The following CHCHD6 variants were observed in gnomAD, a reference collection of about 807,000 sequenced individuals.
The protein encoded by CHCHD6 is coiled-coil-helix-coiled-coil-helix domain containing 6, also known as MICOS complex subunit MIC25.
A neutral mutation model predicts 32.3 loss-of-function variants in CHCHD6; 28 were observed. That is an observed-to-expected ratio of 0.87 (90% CI 0.64 to 1.19). CHCHD6 has a LOEUF of 1.19. Ranked by LOEUF, CHCHD6 falls within the 50% of genes most tolerant of loss-of-function variation. The pLI, the probability that CHCHD6 is intolerant of heterozygous loss-of-function variation, is 0.00. For synonymous variants in CHCHD6, 122 were observed against 117.5 expected, an observed-to-expected ratio of 1.04 and a Z score of -0.25; for missense variants, 333 against 307.0, an observed-to-expected ratio of 1.08 and a Z score of -0.63.
intron 4 of CHCHD6, among the ~76,000 whole-genome samples, chr3:126,764,200 C>CATATATATATAT (rs143293559): frequency 4.0e-3 from 558 of 139,764 alleles, no homozygotes; most frequent in South Asian, 8.1e-3. Flanking sequence ...TACATACATG[C>CATATATATATAT]ATATATATAT....
Position 126,957,455 on chromosome 3 carries a change from C to T in CHCHD6, c.606C>T (p.Ala202=), listed in dbSNP as rs1449815846. The change falls in exon 7 of 8, where the codon GCC becomes GCT. Residue 202 remains alanine (A), a synonymous_variant. Coordinates refer to ENST00000290913, the MANE Select transcript of CHCHD6 (RefSeq NM_032343.3). The stretch of plus-strand genomic sequence containing the variant: ...AGCCCGTCTGCTCAGGGTTGCAGGC[C>T]CAGATTCTCCACTGCTACCGAGATC... ...RVEPVCSGLQ[A]QILHCYRDRP... 2 of 1,611,198 alleles carry T rather than the reference C, an allele frequency of 1.2e-6. No individual in the cohort carries two copies. Among genetic ancestry groups the T allele is most frequent in the East Asian group, 2.2e-5 (1 of 44,704 alleles).
At chr3:126,886,106 G>A (rs2077676114) in intron 5 of CHCHD6, among the ~76,000 whole-genome samples, 1 of 152,192 alleles carries the variant, frequency 6.6e-6, no homozygotes, top group Admixed American at 6.5e-5. Flanking sequence ...AAAGACTGCT[G>A]TATGAACACT....
At chr3:126,874,527 T>C (rs1416502520) in intron 5 of CHCHD6, among the ~76,000 whole-genome samples, 2 of 152,132 alleles carry the variant, frequency 1.3e-5, no homozygotes, top group Non-Finnish European at 2.9e-5. Context: ...CTGCAGGTGC[T>C]CTGTAGAAAC....
chr3:126,799,004 C>A (rs1460167757), intron 4 of CHCHD6, among the ~76,000 whole-genome samples: 1 of 152,148 alleles, frequency 6.6e-6, no homozygotes, highest in East Asian at 1.9e-4. Flanking sequence ...CTGTCTATGC[C>A]CTCTGGTGCT....
Position 126,938,810 on chromosome 3 carries a change from G to A in CHCHD6, c.567-18606G>A, listed in dbSNP as rs148848013. 4.0e-3 allele frequency among the ~76,000 whole-genome samples: 615 copies of A among 152,330 alleles called. 1 individual carries two copies. Among genetic ancestry groups the A allele is most frequent in the African/African-American group, 0.015 (604 of 41,586 alleles). On this transcript the variant is annotated intron_variant, in intron 6 of 7. Coordinates refer to ENST00000290913, the MANE Select transcript of CHCHD6 (RefSeq NM_032343.3). ...GGTCCCCATGCAGGGGTCTCTGCCT[G>A]CAGGGCCCAGGAGGCCACCACTGCT...
At chr3:126,948,962 G>C (rs575603028) in intron 6 of CHCHD6, among the ~76,000 whole-genome samples, 4 of 152,316 alleles carry the variant, frequency 2.6e-5, no homozygotes, top group African/African-American at 9.6e-5. Context: ...GCTCATGTGG[G>C]CCAAACCCAT....
intron 1 of CHCHD6, among the ~76,000 whole-genome samples, chr3:126,715,861 C>T (rs559975729): frequency 6.6e-6 from 1 of 152,306 alleles, no homozygotes; most frequent in East Asian, 1.9e-4. Context: ...TGCACTCTTT[C>T]CTTTCTGCAA....
In CHCHD6 at chr3:126,815,651, C is replaced by G. The variant is rs868186177; in HGVS notation, c.412-36996C>G. Among the ~76,000 whole-genome samples, 343 of 150,736 alleles carry G rather than the reference C, an allele frequency of 2.3e-3. 5 individuals are homozygous for G. Among genetic ancestry groups the G allele is most frequent in the Non-Finnish European group, 2.4e-3 (159 of 67,434 alleles). On this transcript the variant is annotated intron_variant, in intron 4 of 7. Transcript: ENST00000290913. Reference sequence around the variant, plus strand: ...TGCTCCTGTGGGTTCTTGCCCCCCCCCCCCCATCTGTGTCCACAGCCCTTG... The same window carrying G: ...TGCTCCTGTGGGTTCTTGCCCCCCCGCCCCCATCTGTGTCCACAGCCCTTG...
intron 4 of CHCHD6, among the ~76,000 whole-genome samples, chr3:126,789,824 A>T (rs1407262406): frequency 1.3e-5 from 2 of 151,820 alleles, no homozygotes; most frequent in African/African-American, 2.4e-5. Context: ...GCCCATTTAC[A>T]TTTAAGGTTA....
chr3:126,810,690 G>C (rs1297947299), intron 4 of CHCHD6, among the ~76,000 whole-genome samples: 1 of 152,168 alleles, frequency 6.6e-6, no homozygotes, highest in Non-Finnish European at 1.5e-5. Flanking sequence ...TAACATTAGG[G>C]GAAACTGGGT....
At chr3:126,877,539 A>G (rs1339416085) in intron 5 of CHCHD6, among the ~76,000 whole-genome samples, 1 of 150,214 alleles carries the variant, frequency 6.7e-6, no homozygotes, top group East Asian at 2.0e-4. Flanking sequence ...TGGGCGACAG[A>G]GTGAGACTCC....
At chr3:126,752,339 C>T (rs1342647417) in intron 4 of CHCHD6, among the ~76,000 whole-genome samples, 1 of 152,208 alleles carries the variant, frequency 6.6e-6, no homozygotes, top group Non-Finnish European at 1.5e-5. Context: ...GTTGGCAGGA[C>T]TCTGGTCACA....
At chr3:126,870,763 A>G (rs73205617) in intron 5 of CHCHD6, among the ~76,000 whole-genome samples, 3,849 of 152,304 alleles carry the variant, frequency 0.025, 61 homozygotes, top group Middle Eastern at 0.061. Flanking sequence ...AGGTGACAAC[A>G]TGGGTCTGGC....
intron 5 of CHCHD6, among the ~76,000 whole-genome samples, chr3:126,861,209 T>C (rs1254464463): frequency 6.6e-6 from 1 of 152,078 alleles, no homozygotes; most frequent in Non-Finnish European, 1.5e-5. Context: ...GCAAGGACTC[T>C]GCCTCCTTGC....
chr3:126,822,960 C>T (rs566766090), intron 4 of CHCHD6, among the ~76,000 whole-genome samples: 22 of 152,084 alleles, frequency 1.4e-4, no homozygotes, highest in Non-Finnish European at 1.9e-4. Flanking sequence ...GGCTGGAGTG[C>T]GGTGGCATGA....
chr3:126,941,891 AG>A (rs2078565794), intron 6 of CHCHD6, among the ~76,000 whole-genome samples: 3 of 152,338 alleles, frequency 2.0e-5, no homozygotes, highest in Admixed American at 1.3e-4. Context: ...CTGACTCAAC[AG>A]GACTGTCAGC....
At position 126,960,337 on chromosome 3, in the gene CHCHD6, G is replaced by A. The variant is rs2078843114; in HGVS notation, c.*136G>A. 2 of 1,004,642 alleles carry A rather than the reference G, an allele frequency of 2.0e-6. No homozygotes were observed. Among genetic ancestry groups the A allele is most frequent in the Admixed American group, 2.1e-5 (1 of 47,780 alleles). The allele number at this position is 1,004,642 out of a possible 1,614,324, so 62.2% of individuals were successfully genotyped here. A position where few individuals can be genotyped will look rare whatever the true frequency, so the allele number is the denominator to read the frequency against. ...GCCCCTGAGCCTGGGGCTGCCACGT[G>A]TTTAGGAAACAAAGTATGCGCTACT... On this transcript the variant is annotated 3_prime_UTR_variant, in exon 8 of 8. Transcript: ENST00000290913.
intron 4 of CHCHD6, among the ~76,000 whole-genome samples, chr3:126,778,268 C>T (rs1029077597): frequency 1.3e-5 from 2 of 152,064 alleles, no homozygotes; most frequent in Non-Finnish European, 2.9e-5. Flanking sequence ...TGTTTTTATT[C>T]CTGTTGGTTA....
At chr3:126,870,801 G>A (rs9858314) in intron 5 of CHCHD6, among the ~76,000 whole-genome samples, 2,376 of 152,280 alleles carry the variant, frequency 0.016, 54 homozygotes, top group African/African-American at 0.054. Flanking sequence ...AGCCTGGACC[G>A]GGCTAGCTTC....
Sources: allele counts gnomAD v4.1 joint callset (sites outside exome capture counted in the v4.1 genomes callset), GRCh38; gene constraint gnomAD v4.1.1; transcripts MANE v1.5; gene names NCBI Gene and HGNC (gene_info 2026-07-23, HGNC 2026-07-21).